CA5A: variants seen among roughly 807,000 people sequenced by gnomAD.
CA5A encodes the protein carbonic anhydrase 5A, also known as carbonic anhydrase 5A, mitochondrial.
Under a neutral mutation model 37.1 loss-of-function variants are expected in CA5A, and 28 were observed. The ratio of observed to expected loss-of-function variants is 0.75; its 90% CI spans 0.56 to 1.03. The LOEUF (loss-of-function observed/expected upper bound fraction) is 1.03. Among genes scored for constraint, CA5A ranks in the 50% least tolerant of loss-of-function variants. The pLI, the probability that CA5A is intolerant of heterozygous loss-of-function variation, is 0.00. For synonymous variants in CA5A, 171 were observed against 158.4 expected, an observed-to-expected ratio of 1.08 and a Z score of -0.60; for missense variants, 444 against 399.9, an observed-to-expected ratio of 1.11 and a Z score of -0.94.
intron 2 of CA5A, among the ~76,000 whole-genome samples, chr16:87,917,205 T>C (rs1487445411): frequency 1.3e-5 from 2 of 152,108 alleles, no homozygotes; most frequent in African/African-American, 4.8e-5. Flanking sequence ...TGACATTTTG[T>C]CCAACATGAT....
chr16:87,933,945 G>A (rs752519639), intron 1 of CA5A, among the ~76,000 whole-genome samples: 5 of 152,312 alleles, frequency 3.3e-5, no homozygotes, highest in Non-Finnish European at 7.4e-5. Context: ...ACAGGTTGAG[G>A]ACCATGGTGT....
intron 2 of CA5A, among the ~76,000 whole-genome samples, chr16:87,920,314 ATTGTTTGT>A (rs754693978): frequency 6.7e-6 from 1 of 149,478 alleles, no homozygotes; most frequent in Non-Finnish European, 1.5e-5. Flanking sequence ...TGTTTGTTTG[ATTGTTTGT>A]TTGTTTTTGA....
rs139748303 is a variant in CA5A at position 87,936,356 on chromosome 16, C to T, written c.95G>A (p.Arg32Gln). Reference protein sequence around the residue: ...PLWSRSMRPGRWCSQRSCAWQ... With the variant: ...PLWSRSMRPGQWCSQRSCAWQ... Reference sequence around the variant, plus strand: ...TGCACAGGAACGCTGAGAACACCATCGCCCTGGCCTCATCGAACGACTCCA... The same window carrying T: ...TGCACAGGAACGCTGAGAACACCATTGCCCTGGCCTCATCGAACGACTCCA... The change falls in exon 1 of 7, where the codon CGA becomes CAA. Residue 32 changes from arginine (R) to glutamine (Q), a missense_variant. Physicochemically the swap from Arg to Gln is conservative, Grantham distance 43. Transcript: ENST00000649794. 8 of 1,614,022 alleles carry T rather than the reference C, an allele frequency of 5.0e-6. No individual in the cohort carries two copies. Among genetic ancestry groups the T allele is most frequent in the Admixed American group, 1.7e-5 (1 of 59,996 alleles).
chr16:87,915,526 AT>A (rs59358304), intron 2 of CA5A, among the ~76,000 whole-genome samples: 1,198 of 72,922 alleles, frequency 0.016, 11 homozygotes, highest in African/African-American at 0.058. Flanking sequence ...CTGTGTCAAA[AT>A]TTTTTTTTTT....
chr16:87,884,387 G>C (rs2055632134), downstream of CA5A: 1 of 151,284 alleles, frequency 6.6e-6, no homozygotes, highest in Non-Finnish European at 1.5e-5. Flanking sequence ...GACCAACATG[G>C]AGAAACCCCG....
chr16:87,934,540 G>C (rs1196618699), intron 1 of CA5A, among the ~76,000 whole-genome samples: 2 of 152,158 alleles, frequency 1.3e-5, no homozygotes, highest in Admixed American at 1.3e-4. Flanking sequence ...CTGCGCTCCA[G>C]CCTGGGCAAC....
intron 2 of CA5A, among the ~76,000 whole-genome samples, chr16:87,919,026 C>T (rs1374263648): frequency 2.6e-5 from 4 of 152,190 alleles, no homozygotes; most frequent in Non-Finnish European, 5.9e-5. Flanking sequence ...GAGGGATGAC[C>T]CAGCTCATTT....
chr16:87,894,497 C>G (rs1191903996), intron 5 of CA5A, among the ~76,000 whole-genome samples: 1 of 151,962 alleles, frequency 6.6e-6, no homozygotes, highest in Non-Finnish European at 1.5e-5. Context: ...AGAAGGAAGC[C>G]CGGGAGTGTC....
At chr16:87,917,548 A>G (rs1008703455) in intron 2 of CA5A, among the ~76,000 whole-genome samples, 1 of 152,254 alleles carries the variant, frequency 6.6e-6, no homozygotes, top group African/African-American at 2.4e-5. Context: ...CTGAGGGAAG[A>G]AACAGGAGCT....
At chr16:87,897,818 A>G (rs763287899) in intron 5 of CA5A, among the ~76,000 whole-genome samples, 4 of 152,186 alleles carry the variant, frequency 2.6e-5, no homozygotes, top group Non-Finnish European at 4.4e-5. Flanking sequence ...GATGAATCAC[A>G]GGCCCTGCCC....
chr16:87,896,764 C>T (rs1445600636), intron 5 of CA5A, among the ~76,000 whole-genome samples: 1 of 152,236 alleles, frequency 6.6e-6, no homozygotes, highest in Non-Finnish European at 1.5e-5. Flanking sequence ...CCTTAGCCTC[C>T]CTAGTAGCTG....
At chr16:87,931,821 C>G (rs2056409770) in intron 1 of CA5A, among the ~76,000 whole-genome samples, 1 of 152,244 alleles carries the variant, frequency 6.6e-6, no homozygotes, top group African/African-American at 2.4e-5. Context: ...ACGCGATAGA[C>G]AACTATGGAC....
chr16:87,895,900 A>G (rs1157844523), intron 5 of CA5A, among the ~76,000 whole-genome samples: 1 of 152,138 alleles, frequency 6.6e-6, no homozygotes, highest in Non-Finnish European at 1.5e-5. Flanking sequence ...TTGACATCCC[A>G]TTGCACGCTC....
chr16:87,923,588 T>C, intron 2 of CA5A: 1 of 985,428 alleles, frequency 1.0e-6, no homozygotes, highest in Non-Finnish European at 1.2e-6. Flanking sequence ...CATGAGGTCT[T>C]GGTGAGGACA....
chr16:87,932,307 G>A (rs576934977), intron 1 of CA5A, among the ~76,000 whole-genome samples: 1 of 152,316 alleles, frequency 6.6e-6, no homozygotes, highest in Admixed American at 6.5e-5. Flanking sequence ...CAGAGGAGGT[G>A]CTCATCTAGA....
intron 2 of CA5A, among the ~76,000 whole-genome samples, chr16:87,922,955 C>A (rs1192493534): frequency 6.6e-6 from 1 of 152,222 alleles, no homozygotes; most frequent in Non-Finnish European, 1.5e-5. Context: ...TTTGTATCTC[C>A]CACGACTGTT....
chr16:87,889,879 C>A (rs112146876), intron 6 of CA5A, among the ~76,000 whole-genome samples: 4,698 of 152,348 alleles, frequency 0.031, 253 homozygotes, highest in African/African-American at 0.11. Flanking sequence ...CATTTGATTA[C>A]ATTCAGAAGT....
At chr16:87,929,063 C>G (rs904904361) in intron 1 of CA5A, among the ~76,000 whole-genome samples, 9 of 150,628 alleles carry the variant, frequency 6.0e-5, no homozygotes, top group African/African-American at 2.2e-4. Context: ...GCCACCGCGC[C>G]CAGCCTTGGA....
At chr16:87,907,422 G>C (rs556802001) in intron 2 of CA5A, among the ~76,000 whole-genome samples, 2 of 152,294 alleles carry the variant, frequency 1.3e-5, no homozygotes, top group South Asian at 4.1e-4. Flanking sequence ...AGCCTCCCAG[G>C]GGGTCTGCCT....
Sources: allele counts gnomAD v4.1 joint callset (sites outside exome capture counted in the v4.1 genomes callset), GRCh38; gene constraint gnomAD v4.1.1; transcripts MANE v1.5; gene names NCBI Gene and HGNC (gene_info 2026-07-23, HGNC 2026-07-21).